The following IFT172 variants were observed in gnomAD, a reference collection of about 807,000 sequenced individuals.
IFT172 encodes the protein intraflagellar transport protein 172 homolog.
Under a neutral mutation model 248.9 loss-of-function variants are expected in IFT172, and 164 were observed. That is an observed-to-expected ratio of 0.66 (90% CI 0.58 to 0.75). The LOEUF (loss-of-function observed/expected upper bound fraction) is 0.75. Among genes scored for constraint, IFT172 ranks in the 30% least tolerant of loss-of-function variants. The probability of loss-of-function intolerance (pLI) is 0.00; values close to 1 mark genes in which losing one functional copy is unlikely to be tolerated. For synonymous variants in IFT172, 729 were observed against 791.6 expected (o/e 0.92, Z 1.33); for missense variants, 1,950 against 2,192.4 (o/e 0.89, Z 2.21).
At chr2:27,481,729 T>C (rs1188870457) in intron 7 of IFT172, among the ~76,000 whole-genome samples, 1 of 151,572 alleles carries the variant, frequency 6.6e-6, no homozygotes, top group Non-Finnish European at 1.5e-5. Context: ...TTAGTAGAGA[T>C]GGGGTTTCAC....
chr2:27,482,770 A>T (rs553176929), intron 7 of IFT172, among the ~76,000 whole-genome samples: 2 of 152,046 alleles, frequency 1.3e-5, no homozygotes, highest in Non-Finnish European at 2.9e-5. Flanking sequence ...TTACTCTAAG[A>T]GTTTTTATTT....
chr2:27,454,071 G>C lies in IFT172; in HGVS notation c.3622C>G (p.Arg1208Gly). 1 of 1,614,082 alleles carries C rather than the reference G, an allele frequency of 6.2e-7. No individual in the cohort carries two copies. The highest frequency in any genetic ancestry group is 8.5e-7 in the Non-Finnish European group (1 of 1,180,018). ...AAGTCCTTCTCCTCCAAGGCCCCCC[G>C]GGCCTGTCCCACAAGCACCTCGGCG... ...SVAEVLVGQA[R>G]GALEEKDFQK... is the part of the protein sequence containing the mutation. The change falls in exon 33 of 48, where the codon CGG (arginine) becomes GGG (glycine). Residue 1208 changes from arginine to glycine, a missense_variant. Arg to Gly is a moderately radical substitution (Grantham distance 125). Transcript: ENST00000260570. The surrounding 1 kb of genome is among the most constrained non-coding windows in gnomAD (Gnocchi z 4.2).
chr2:27,470,840 C>G, intron 16 of IFT172, 88 bp downstream of exon 16: 1 of 1,340,436 alleles, frequency 7.5e-7, no homozygotes, highest in Non-Finnish European at 1.0e-6. Flanking sequence ...GTGGTGGACA[C>G]AGAAAACCAA....
Position 27,449,711 on chromosome 2 carries a change from T to C in IFT172, c.4140A>G (p.Val1380=). ...CTTACCTGGGATCTAACTCCTTAGC[T>C]ACACGCTTCGCCTTGTTCCACTCCT... ...EGEEWNKAKR[V]AKELDPRYED... is the part of the protein sequence containing the mutation. Residue 1380 remains valine (V), a synonymous_variant, in exon 37 of 48, where the codon GTA becomes GTG. Transcript: ENST00000260570. The C allele has an allele frequency of 6.2e-7, 1 of 1,613,664 alleles. No individual in the cohort carries two copies.
At chr2:27,479,487 A>C in intron 10 of IFT172, 22 bp downstream of exon 10, 1 of 1,353,092 alleles carries the variant, frequency 7.4e-7, no homozygotes, top group Non-Finnish European at 1.1e-6. Flanking sequence ...TTCTCAGTGC[A>C]GTAGGCTACC....
intron 30 of IFT172, among the ~76,000 whole-genome samples, chr2:27,456,175 C>T (rs151197110): frequency 3.3e-5 from 5 of 152,172 alleles, no homozygotes; most frequent in Admixed American, 1.3e-4. Flanking sequence ...CGTGCCACTG[C>T]ACTCCAGCCT....
intron 25 of IFT172, chr2:27,459,099 A>G: frequency 1.6e-6 from 1 of 619,234 alleles, no homozygotes; most frequent in Middle Eastern, 4.3e-4. Flanking sequence ...ATGCAAAGCA[A>G]TTTTATATCA....
intron 19 of IFT172, 32 bp from the exon 20 acceptor site, chr2:27,462,825 T>C (rs763884423): frequency 5.7e-5 from 91 of 1,596,986 alleles, no homozygotes; most frequent in Non-Finnish European, 7.4e-5. Flanking sequence ...CTGATTTTTC[T>C]GTAGGTGCTG....
At position 27,446,005 on chromosome 2, in the gene IFT172, T is replaced by A. The variant is rs753517897; in HGVS notation, c.4756-17A>T. On this transcript the variant is annotated splice_polypyrimidine_tract_variant and intron_variant, in intron 43 of 47. Coordinates refer to ENST00000260570, the MANE Select transcript of IFT172 (RefSeq NM_015662.3). ...GCCAACTGCCTGCAGCAAAGAAGAGTTGCAAATGGGAGTGAACAAGCTGGG... is the reference window on the plus strand; with the variant it reads ...GCCAACTGCCTGCAGCAAAGAAGAGATGCAAATGGGAGTGAACAAGCTGGG... 24 of 1,613,842 alleles carry A rather than the reference T, an allele frequency of 1.5e-5. No homozygotes were observed. Among genetic ancestry groups the A allele is most frequent in the Non-Finnish European group, 1.9e-5 (22 of 1,179,944 alleles).
In IFT172 at chr2:27,458,177, A is replaced by T; in HGVS notation, c.2924T>A (p.Ile975Asn). Residue 975 changes from isoleucine (I) to asparagine (N), a missense_variant, in exon 27 of 48, where the codon ATC (isoleucine) becomes AAC (asparagine). Transcript: ENST00000260570. ...CTTCTCCATTTCCTGGGCCTGAGTGATGTATAGCACTGACACATCTTCTGG... is the reference window on the plus strand; with the variant it reads ...CTTCTCCATTTCCTGGGCCTGAGTGTTGTATAGCACTGACACATCTTCTGG... The part of the protein sequence containing the change: ...MRPEDVSVLY[I>N]TQAQEMEKQG... 6.2e-7 allele frequency: 1 copy of T among 1,614,082 alleles called. No homozygotes were observed. Among genetic ancestry groups the T allele is most frequent in the African/African-American group, 1.3e-5 (1 of 74,972 alleles).
In IFT172 at chr2:27,454,231, G is replaced by A; in HGVS notation, c.3531-69C>T. On this transcript the variant is annotated intron_variant, in intron 32 of 47. Transcript: ENST00000260570. This position sits in a 1 kb window ranked among gnomAD's most constrained non-coding sequence, Gnocchi z 4.2. ...AGGCCCCAATAGTGGGAGACAAACAGCCATGTCACTGAGGGGTGTAACACT... is the reference window on the plus strand; with the variant it reads ...AGGCCCCAATAGTGGGAGACAAACAACCATGTCACTGAGGGGTGTAACACT... 1.3e-6 allele frequency: 2 copies of A among 1,596,440 alleles called. No individual in the cohort carries two copies. The highest frequency in any genetic ancestry group is 2.7e-5 in the African/African-American group (2 of 74,664).
Position 27,461,064 on chromosome 2 carries a change from AT to A in IFT172, c.2471del (p.Asn824IlefsTer16). 1 of 1,614,086 alleles carries A rather than the reference AT, an allele frequency of 6.2e-7. No homozygotes were observed. The highest frequency in any genetic ancestry group is 1.1e-5 in the South Asian group (1 of 91,082). On this transcript the variant is annotated frameshift_variant, in exon 23 of 48. Coordinates refer to ENST00000260570, the MANE Select transcript of IFT172 (RefSeq NM_015662.3). LOFTEE classifies it high-confidence loss of function. ...RAGDLFEKIH[N>X]PQKALECYRK... is the part of the protein sequence containing the mutation. ...GGTAGCACTCCAGGGCCTTCTGTGG[AT>A]TGTGAATCTTCTCAAAGAGATCACC...
chr2:27,480,011 T>C lies in IFT172; in HGVS notation c.909+15A>G, dbSNP rs1233603183. 6.2e-7 allele frequency: 1 copy of C among 1,607,316 alleles called. No individual in the cohort carries two copies. The highest frequency in any genetic ancestry group is 1.1e-5 in the South Asian group (1 of 90,472). On this transcript the variant is annotated intron_variant, in intron 9 of 47. Transcript: ENST00000260570. ...TGAAAGTCACCAATCCAGAAAGGGATTACTAGTAACACACCACACAGAGCC... is the reference window on the plus strand; with the variant it reads ...TGAAAGTCACCAATCCAGAAAGGGACTACTAGTAACACACCACACAGAGCC...
intron 14 of IFT172, among the ~76,000 whole-genome samples, chr2:27,473,740 A>C (rs570920983): frequency 7.2e-5 from 11 of 152,304 alleles, no homozygotes; most frequent in African/African-American, 2.2e-4. Context: ...TTCTCTGAGA[A>C]GGTCTACGAT....
intron 35 of IFT172, 109 bp downstream of exon 35, chr2:27,453,275 T>C (rs759104225): frequency 4.3e-6 from 6 of 1,386,164 alleles, no homozygotes; most frequent in Non-Finnish European, 6.2e-6. Context: ...TGCTACCTGA[T>C]TGAAAAGAAA....
chr2:27,488,691 C>T (rs879839994), intron 1 of IFT172, among the ~76,000 whole-genome samples: 1 of 152,170 alleles, frequency 6.6e-6, no homozygotes, highest in Non-Finnish European at 1.5e-5. Context: ...TATAACTCTT[C>T]CCCAAGTCCC....
chr2:27,464,509 T>C (rs1309288964), intron 18 of IFT172, among the ~76,000 whole-genome samples: 1 of 152,080 alleles, frequency 6.6e-6, no homozygotes, highest in Non-Finnish European at 1.5e-5. Context: ...ATACCAAACC[T>C]GGATTATACA....
chr2:27,461,630 C>A, intron 21 of IFT172, 113 bp from the exon 22 acceptor site: 1 of 1,502,418 alleles, frequency 6.7e-7, no homozygotes. Context: ...CAGCAGTATC[C>A]TAACTCCTCA....
Position 27,454,542 on chromosome 2 carries a change from G to T in IFT172, c.3465+25C>A, listed in dbSNP as rs377208936. 14 of 1,612,494 alleles carry T rather than the reference G, an allele frequency of 8.7e-6. No homozygotes were observed. In the African/African-American group the frequency reaches 1.7e-4, roughly 20 times the overall value. On this transcript the variant is annotated intron_variant, in intron 31 of 47. Transcript: ENST00000260570. This position sits in a 1 kb window ranked among gnomAD's most constrained non-coding sequence, Gnocchi z 4.2. Reference sequence around the variant, plus strand: ...GGGGATGGAATAAGAGGGCTCTGCGGTCGGGGTCCAAATCACACCCATACC... The same window carrying T: ...GGGGATGGAATAAGAGGGCTCTGCGTTCGGGGTCCAAATCACACCCATACC...
Sources: gnomAD v4.1 joint callset for allele counts (sites outside exome capture counted in the v4.1 genomes callset) on GRCh38, gnomAD v4.1.1 for gene constraint, Gnocchi (gnomAD v3.1) non-coding constraint, MANE v1.5 for transcripts, NCBI Gene and HGNC (gene_info 2026-07-23, HGNC 2026-07-21) for gene names.